Variants in ACAD10 observed in about 807,000 individuals in gnomAD.
The protein encoded by ACAD10 is acyl-CoA dehydrogenase family member 10.
A neutral mutation model predicts 116.8 loss-of-function variants in ACAD10; 112 were observed. The observed-to-expected ratio is 0.96, with a 90% CI of 0.82 to 1.12. The LOEUF (loss-of-function observed/expected upper bound fraction) is 1.12, where lower values mean the gene tolerates loss of function less well. Ranked by LOEUF, ACAD10 falls within the 50% of genes most tolerant of loss-of-function variation. The pLI, the probability that ACAD10 is intolerant of heterozygous loss-of-function variation, is 0.00. For synonymous variants in ACAD10, 486 were observed against 510.6 expected (o/e 0.95, Z 0.65); for missense variants, 1,259 against 1,350.2 (o/e 0.93, Z 1.06).
chr12:111,689,260 A>G (rs1187576357), intron 1 of ACAD10, among the ~76,000 whole-genome samples: 1 of 151,886 alleles, frequency 6.6e-6, no homozygotes, highest in African/African-American at 2.4e-5. Flanking sequence ...ATATACATGC[A>G]TATATATGTA....
chr12:111,715,332 C>G (rs1302329189), intron 6 of ACAD10, among the ~76,000 whole-genome samples: 2 of 152,256 alleles, frequency 1.3e-5, no homozygotes, highest in African/African-American at 4.8e-5. Flanking sequence ...GAAATTACAT[C>G]TCATGAAAGC....
At chr12:111,713,292 C>A (rs963978471) in intron 6 of ACAD10, among the ~76,000 whole-genome samples, 17 of 149,696 alleles carry the variant, frequency 1.1e-4, no homozygotes, top group African/African-American at 4.2e-4. Flanking sequence ...GCCTGGGTGA[C>A]AGAGCAAGAC....
At chr12:111,717,061 A>G (rs186426984) in intron 7 of ACAD10, among the ~76,000 whole-genome samples, 63 of 152,288 alleles carry the variant, frequency 4.1e-4, no homozygotes, top group Admixed American at 3.3e-4. Flanking sequence ...TCACAACTCT[A>G]TGATATGTTA....
In ACAD10 at chr12:111,756,553, C is replaced by T. The variant is rs999386745; in HGVS notation, c.*80C>T. Reference sequence around the variant, plus strand: ...TGTCACTGATGTGCCTCGAAAGATCCGGTGTTTGTGGCTCCTGCACCCTGC... The same window carrying T: ...TGTCACTGATGTGCCTCGAAAGATCTGGTGTTTGTGGCTCCTGCACCCTGC... On this transcript the variant is annotated 3_prime_UTR_variant, in exon 21 of 21. Coordinates refer to ENST00000313698, the MANE Select transcript of ACAD10 (RefSeq NM_025247.6). 38 of 1,566,468 alleles carry T rather than the reference C, an allele frequency of 2.4e-5. No individual in the cohort carries two copies. Among genetic ancestry groups the T allele is most frequent in the East Asian group, 9.1e-5 (4 of 43,814 alleles).
chr12:111,750,154 C>T (rs529239565), intron 18 of ACAD10, among the ~76,000 whole-genome samples: 15 of 142,480 alleles, frequency 1.1e-4, no homozygotes, highest in East Asian at 2.3e-4. Flanking sequence ...TGCAGTGGCG[C>T]GATCTTGGCT....
At position 111,724,589 on chromosome 12, in the gene ACAD10, G is replaced by A. The variant is rs527261907; in HGVS notation, c.1061+2850G>A. On this transcript the variant is annotated intron_variant, in intron 8 of 20. Coordinates refer to ENST00000313698, the MANE Select transcript of ACAD10 (RefSeq NM_025247.6). ...AGGCTGAGGCTGGCGGATCACTCGC[G>A]GTTAGGGGCTGGAGACCGGCCTGGC... is the stretch of plus-strand genomic sequence containing the variant. 2.7e-3 allele frequency among the ~76,000 whole-genome samples: 418 copies of A among 152,318 alleles called. 1 individual carries two copies. Among genetic ancestry groups the A allele is most frequent in the African/African-American group, 8.2e-3 (343 of 41,580 alleles).
At chr12:111,747,543 G>A in intron 16 of ACAD10, 158 bp downstream of exon 16, 1 of 1,468,742 alleles carries the variant, frequency 6.8e-7, no homozygotes, top group Non-Finnish European at 9.0e-7. Flanking sequence ...GAGAATAGGA[G>A]GGTAATCCGT....
Position 111,747,463 on chromosome 12 carries a change from G to A in ACAD10, c.2485+78G>A, listed in dbSNP as rs920219780. On this transcript the variant is annotated intron_variant, in intron 16 of 20. Transcript: ENST00000313698. Reference sequence around the variant, plus strand: ...TAGGCGCGTCTCTCAATGCCTGGGAGGAGCCTCTGCTTTTTCAAGTTGACA... The same window carrying A: ...TAGGCGCGTCTCTCAATGCCTGGGAAGAGCCTCTGCTTTTTCAAGTTGACA... 2.1e-5 allele frequency: 33 copies of A among 1,591,546 alleles called. No homozygotes were observed. The East Asian group carries it at 7.2e-4, about 35-fold the overall frequency.
intron 18 of ACAD10, among the ~76,000 whole-genome samples, chr12:111,750,537 G>C (rs1271923783): frequency 2.6e-5 from 4 of 152,098 alleles, no homozygotes; most frequent in Non-Finnish European, 4.4e-5. Flanking sequence ...AGTGAGCAGT[G>C]ATCACACCAC....
intron 11 of ACAD10, among the ~76,000 whole-genome samples, chr12:111,736,192 T>G (rs1046431415): frequency 6.7e-6 from 1 of 148,750 alleles, no homozygotes; most frequent in Non-Finnish European, 1.5e-5. Flanking sequence ...ATTGTTTTTT[T>G]TTTTTTTTTT....
intron 6 of ACAD10, among the ~76,000 whole-genome samples, chr12:111,713,035 G>A (rs1017609864): frequency 6.6e-6 from 1 of 152,140 alleles, no homozygotes; most frequent in Non-Finnish European, 1.5e-5. Context: ...ATCGGCAGGC[G>A]GGTGCGGTGG....
At chr12:111,699,965 C>CTT (rs1352051863) in intron 2 of ACAD10, among the ~76,000 whole-genome samples, 1 of 151,768 alleles carries the variant, frequency 6.6e-6, no homozygotes, top group Non-Finnish European at 1.5e-5. Context: ...GAGCCATACT[C>CTT]TCAGTCACAA....
intron 2 of ACAD10, among the ~76,000 whole-genome samples, chr12:111,700,790 C>T (rs1285774104): frequency 8.2e-6 from 1 of 121,546 alleles, no homozygotes; most frequent in African/African-American, 3.3e-5. Context: ...TGGGGTCTTG[C>T]TCTATGTCCC....
chr12:111,692,677 T>C lies in ACAD10; in HGVS notation c.-13-20T>C, dbSNP rs1487592851. Reference sequence around the variant, plus strand: ...GAGGCAGTGCAGGCAAGTAACGCCCTGTGCCTTCTTCCCACACAGCCTCAG... The same window carrying C: ...GAGGCAGTGCAGGCAAGTAACGCCCCGTGCCTTCTTCCCACACAGCCTCAG... On this transcript the variant is annotated intron_variant, in intron 1 of 20. Transcript: ENST00000313698. 6.2e-7 allele frequency: 1 copy of C among 1,602,328 alleles called. No homozygotes were observed. Among genetic ancestry groups the C allele is most frequent in the Non-Finnish European group, 8.5e-7 (1 of 1,174,296 alleles).
At chr12:111,711,981 T>C (rs1181722582) in intron 5 of ACAD10, among the ~76,000 whole-genome samples, 2 of 152,242 alleles carry the variant, frequency 1.3e-5, no homozygotes, top group Non-Finnish European at 2.9e-5. Context: ...TTTTTATTTT[T>C]CTCAGCATTT....
intron 10 of ACAD10, among the ~76,000 whole-genome samples, chr12:111,731,140 C>T (rs1220941541): frequency 6.6e-6 from 1 of 152,228 alleles, no homozygotes; most frequent in Non-Finnish European, 1.5e-5. Context: ...TCTTCATTGG[C>T]TTGACCGGTG....
intron 13 of ACAD10, chr12:111,745,337 A>G (rs2135988418): frequency 2.2e-6 from 1 of 459,608 alleles, no homozygotes; most frequent in Admixed American, 3.8e-5. Flanking sequence ...GGGTATTTGA[A>G]TTATGTAAAT....
chr12:111,730,047 G>T, intron 10 of ACAD10, 91 bp downstream of exon 10: 1 of 1,485,186 alleles, frequency 6.7e-7, no homozygotes. Context: ...TTTACAGCTG[G>T]GAATTATTCC....
At chr12:111,709,748 A>C in intron 5 of ACAD10, 64 bp downstream of exon 5, 1 of 1,463,382 alleles carries the variant, frequency 6.8e-7, no homozygotes, top group Non-Finnish European at 9.2e-7. Flanking sequence ...GTTTCTCTGT[A>C]ATCTTTTTAC....
Sources: allele counts gnomAD v4.1 joint callset (sites outside exome capture counted in the v4.1 genomes callset), GRCh38; gene constraint gnomAD v4.1.1; transcripts MANE v1.5; gene names NCBI Gene and HGNC (gene_info 2026-07-23, HGNC 2026-07-21).